Variants in EYS observed in about 807,000 individuals in gnomAD.
EYS encodes the protein protein eyes shut homolog.
Under a neutral mutation model 282.1 loss-of-function variants are expected in EYS, and 250 were observed. The ratio of observed to expected loss-of-function variants is 0.89; its 90% CI spans 0.80 to 0.98. The LOEUF (loss-of-function observed/expected upper bound fraction) is 0.98, where lower values mean the gene tolerates loss of function less well. EYS is among the 50% of genes least tolerant of loss of function. The pLI is 0.00. For synonymous variants in EYS, 1,355 were observed against 1,282.9 expected (o/e 1.06, Z -1.20); for missense variants, 4,016 against 3,709.0 (o/e 1.08, Z -2.15).
chr6:63,904,007 TAAGGCA>T (rs1773716974), intron 35 of EYS, among the ~76,000 whole-genome samples: 2 of 152,242 alleles, frequency 1.3e-5, no homozygotes, highest in South Asian at 2.1e-4. Flanking sequence ...AAGCTTACTT[TAAGGCA>T]AAGATAACTA....
chr6:64,440,610 C>G (rs1459420138), intron 26 of EYS, among the ~76,000 whole-genome samples: 1 of 151,188 alleles, frequency 6.6e-6, no homozygotes, highest in Non-Finnish European at 1.5e-5. Flanking sequence ...ATTTTTTTTC[C>G]CCATGTAGCG....
At chr6:64,522,442 C>T (rs1777773434) in intron 26 of EYS, among the ~76,000 whole-genome samples, 1 of 151,610 alleles carries the variant, frequency 6.6e-6, no homozygotes, top group Non-Finnish European at 1.5e-5. Context: ...AAGAAATTCT[C>T]AAAGTCCAAC....
At chr6:63,806,130 G>T in intron 37 of EYS, 60 bp downstream of exon 37, 1 of 1,388,974 alleles carries the variant, frequency 7.2e-7, no homozygotes, top group South Asian at 1.4e-5. Context: ...TGTCCCTGAG[G>T]AATCTCTAAA....
At chr6:65,398,004 T>C (rs1278988180) in intron 7 of EYS, among the ~76,000 whole-genome samples, 1 of 152,100 alleles carries the variant, frequency 6.6e-6, no homozygotes, top group East Asian at 1.9e-4. Context: ...TATCTGATGA[T>C]TAAAGATGTT....
intron 1 of EYS, among the ~76,000 whole-genome samples, chr6:65,648,314 ATGTGTGTGTGTG>A (rs58196369): frequency 1.4e-4 from 20 of 147,892 alleles, no homozygotes; most frequent in Non-Finnish European, 2.2e-4. Flanking sequence ...AAGAAAATAT[ATGTGTGTGTGTG>A]TGTGTGTGTG....
At chr6:65,281,461 C>T (rs1188013876) in intron 12 of EYS, among the ~76,000 whole-genome samples, 1 of 152,092 alleles carries the variant, frequency 6.6e-6, no homozygotes, top group African/African-American at 2.4e-5. Flanking sequence ...CAGTTTTAAA[C>T]ATTGGAAATA....
chr6:64,436,191 C>A lies in EYS; in HGVS notation c.5910G>T (p.Lys1970Asn). 6.5e-7 allele frequency: 1 copy of A among 1,538,772 alleles called. No individual in the cohort carries two copies. Among genetic ancestry groups the A allele is most frequent in the Non-Finnish European group, 8.8e-7 (1 of 1,138,054 alleles). Reference protein sequence around the residue: ...NTTVRVDNGQKYTLLIRQELD... With the variant: ...NTTVRVDNGQNYTLLIRQELD... ...TATCTTACCTGATAAGCAGTGTATA[C>A]TTTTGCCCGTTGTCCACTCTAACAG... The change falls in exon 28 of 43, where the codon AAG (lysine) becomes AAT (asparagine). Residue 1970 changes from lysine (K) to asparagine (N), a missense_variant. Coordinates refer to ENST00000503581, the MANE Select transcript of EYS (RefSeq NM_001142800.2).
chr6:65,446,398 G>C (rs1768658256), intron 5 of EYS, among the ~76,000 whole-genome samples: 1 of 151,756 alleles, frequency 6.6e-6, no homozygotes, highest in South Asian at 2.1e-4. Flanking sequence ...AGAACTAAAA[G>C]TATTTTTAAG....
At chr6:65,110,051 G>T (rs1775169371) in intron 12 of EYS, among the ~76,000 whole-genome samples, 1 of 152,022 alleles carries the variant, frequency 6.6e-6, no homozygotes, top group African/African-American at 2.4e-5. Flanking sequence ...TATGTTCTTG[G>T]CATTTTTCCT....
At chr6:63,789,000 A>G in intron 38 of EYS, 58 bp downstream of exon 38, 1 of 1,508,154 alleles carries the variant, frequency 6.6e-7, no homozygotes, top group South Asian at 1.3e-5. Flanking sequence ...CTTAGCACAG[A>G]TCTGACAATA....
At chr6:65,400,303 T>C (rs990979060) in intron 7 of EYS, among the ~76,000 whole-genome samples, 4 of 151,976 alleles carry the variant, frequency 2.6e-5, no homozygotes, top group Admixed American at 6.6e-5. Flanking sequence ...CATTTTATTT[T>C]CAAATAATTT....
At chr6:63,796,927 CACA>C (rs1341369042) in intron 37 of EYS, among the ~76,000 whole-genome samples, 1 of 152,134 alleles carries the variant, frequency 6.6e-6, no homozygotes, top group Non-Finnish European at 1.5e-5. Context: ...TAAGAGGAGC[CACA>C]ACGATGGTGC....
At position 64,862,459 on chromosome 6, in the gene EYS, A is replaced by C. The variant is rs1339288191; in HGVS notation, c.2992+24238T>G. On this transcript the variant is annotated intron_variant, in intron 19 of 42. Coordinates refer to ENST00000503581, the MANE Select transcript of EYS (RefSeq NM_001142800.2). ...AAAACAATTTTTGATATTGCTCAAT[A>C]TTTCTAAATTTTCCATTTGACTCTT... Among the ~76,000 whole-genome samples the C allele has an allele frequency of 6.6e-5, 10 of 152,112 alleles. 1 individual carries two copies. The highest frequency in any genetic ancestry group is 6.5e-4 in the Admixed American group (10 of 15,276).
At chr6:65,272,753 T>C (rs1767939281) in intron 12 of EYS, among the ~76,000 whole-genome samples, 2 of 152,134 alleles carry the variant, frequency 1.3e-5, no homozygotes, top group African/African-American at 2.4e-5. Context: ...AATTTAAAAC[T>C]CATTCTCACG....
intron 14 of EYS, among the ~76,000 whole-genome samples, chr6:64,968,586 A>AT (rs1295810254): frequency 2.6e-5 from 4 of 152,050 alleles, no homozygotes; most frequent in African/African-American, 7.2e-5. Context: ...AAGCAGTATT[A>AT]TTTTTTTCAG....
intron 22 of EYS, among the ~76,000 whole-genome samples, chr6:64,781,930 C>T (rs1000687820): frequency 1.3e-5 from 2 of 152,142 alleles, no homozygotes; most frequent in Non-Finnish European, 2.9e-5. Context: ...GTTGAAGATG[C>T]TAAATATGGC....
rs780264832 is a variant in EYS at position 65,370,993 on chromosome 6, T to C, written c.1299+13393A>G. Among the ~76,000 whole-genome samples, 3 of 151,702 alleles carry C rather than the reference T, an allele frequency of 2.0e-5. No individual in the cohort carries two copies. The East Asian group carries it at 5.8e-4, about 29-fold the overall frequency. On this transcript the variant is annotated intron_variant, in intron 8 of 42. Coordinates refer to ENST00000503581, the MANE Select transcript of EYS (RefSeq NM_001142800.2). ...AAACTGGGAAGCCAGATGGCAATAA[T>C]TGTCAAGAAAAAAAAAACACAGAAA...
intron 36 of EYS, among the ~76,000 whole-genome samples, chr6:63,823,647 TTAA>T (rs1771381610): frequency 6.6e-6 from 1 of 152,280 alleles, no homozygotes; most frequent in South Asian, 2.1e-4. Context: ...TTCTTTAGCT[TTAA>T]TAATAACCAA....
rs115877039 is a variant in EYS, at chr6:65,617,432, C to A, written c.-333+22346G>T. Among the ~76,000 whole-genome samples, 129 of 151,752 alleles carry A rather than the reference C, an allele frequency of 8.5e-4. 1 individual carries two copies. The highest frequency in any genetic ancestry group is 3.0e-3 in the African/African-American group (124 of 41,422). ...ATCTATTGGTAAATGTTTAATGATA[C>A]CTGAATTAAAATTACATAAAATTAG... On this transcript the variant is annotated intron_variant, in intron 2 of 42. Coordinates refer to ENST00000503581, the MANE Select transcript of EYS (RefSeq NM_001142800.2).
Sources: allele counts gnomAD v4.1 joint callset (sites outside exome capture counted in the v4.1 genomes callset), GRCh38; gene constraint gnomAD v4.1.1; transcripts MANE v1.5; gene names NCBI Gene and HGNC (gene_info 2026-07-23, HGNC 2026-07-21).